The following ERICH6B variants were observed in gnomAD, a reference collection of about 807,000 sequenced individuals.
ERICH6B encodes glutamate-rich protein 6B.
Under a neutral mutation model 80.0 loss-of-function variants are expected in ERICH6B, and 69 were observed. The observed-to-expected ratio is 0.86, with a 90% CI of 0.71 to 1.05. ERICH6B has a LOEUF of 1.05. Ranked by LOEUF, ERICH6B falls within the 50% of genes least tolerant of loss-of-function variation. The pLI is 0.00. For missense variants in ERICH6B, 754 were observed against 796.1 expected, an observed-to-expected ratio of 0.95 and a Z score of 0.64; for synonymous variants, 283 against 291.9, an observed-to-expected ratio of 0.97 and a Z score of 0.31.
At chr13:45,606,086 C>A (rs999782872) in intron 2 of ERICH6B, among the ~76,000 whole-genome samples, 9 of 152,094 alleles carry the variant, frequency 5.9e-5, no homozygotes, top group Admixed American at 1.3e-4. Context: ...GGGATTCCTT[C>A]AAATATTTAA....
intron 2 of ERICH6B, among the ~76,000 whole-genome samples, chr13:45,600,999 TC>T (rs1208988936): frequency 6.6e-6 from 1 of 152,156 alleles, no homozygotes; most frequent in Non-Finnish European, 1.5e-5. Context: ...TTTCTCATCC[TC>T]CCCATGCCCC....
chr13:45,586,417 G>A (rs546464427), intron 5 of ERICH6B, among the ~76,000 whole-genome samples: 3 of 152,098 alleles, frequency 2.0e-5, no homozygotes, highest in South Asian at 4.2e-4. Context: ...AATTAATAAC[G>A]GCAAGAAATG....
At chr13:45,608,857 G>A (rs1030676154) in intron 1 of ERICH6B, among the ~76,000 whole-genome samples, 9 of 152,270 alleles carry the variant, frequency 5.9e-5, no homozygotes, top group Non-Finnish European at 1.0e-4. Flanking sequence ...TCACTGAGAC[G>A]TTGAGGGTGC....
At chr13:45,547,266 A>G (rs1874030769) in intron 13 of ERICH6B, among the ~76,000 whole-genome samples, 1 of 152,262 alleles carries the variant, frequency 6.6e-6, no homozygotes, top group African/African-American at 2.4e-5. Context: ...GAGAGCAAAG[A>G]GAAGAATCTT....
At chr13:45,611,068 G>A (rs1949897077) in intron 1 of ERICH6B, among the ~76,000 whole-genome samples, 1 of 152,008 alleles carries the variant, frequency 6.6e-6, no homozygotes, top group African/African-American at 2.4e-5. Context: ...CATATCATTT[G>A]TTACTCTTCA....
chr13:45,574,342 A>G (rs1267361180), intron 8 of ERICH6B, among the ~76,000 whole-genome samples: 2 of 152,240 alleles, frequency 1.3e-5, no homozygotes, highest in Admixed American at 6.5e-5. Context: ...TTACAAAATC[A>G]TAACACAAAT....
intron 5 of ERICH6B, among the ~76,000 whole-genome samples, chr13:45,584,416 C>T (rs1056031315): frequency 2.0e-4 from 30 of 152,144 alleles, no homozygotes; most frequent in African/African-American, 6.8e-4. Context: ...TCCTATTTGT[C>T]GAGAAAGGCT....
At chr13:45,584,931 G>A (rs1875836745) in intron 5 of ERICH6B, among the ~76,000 whole-genome samples, 2 of 152,120 alleles carry the variant, frequency 1.3e-5, no homozygotes, top group South Asian at 2.1e-4. Flanking sequence ...GTTTTCCTGC[G>A]TCCCTTTCCT....
At chr13:45,549,299 A>G (rs1008445087) in intron 13 of ERICH6B, among the ~76,000 whole-genome samples, 1 of 151,994 alleles carries the variant, frequency 6.6e-6, no homozygotes, top group African/African-American at 2.4e-5. Context: ...AAAAAAAAGT[A>G]TATATAAGTC....
chr13:45,566,800 T>C (rs902292407), intron 9 of ERICH6B, among the ~76,000 whole-genome samples: 1 of 152,216 alleles, frequency 6.6e-6, no homozygotes, highest in African/African-American at 2.4e-5. Context: ...GAGTCCCTAC[T>C]GGGGCACCAC....
At chr13:45,608,177 A>G (rs551315859) in intron 1 of ERICH6B, among the ~76,000 whole-genome samples, 1 of 152,288 alleles carries the variant, frequency 6.6e-6, no homozygotes, top group Non-Finnish European at 1.5e-5. Flanking sequence ...TTAGTAAGTC[A>G]TTGTGGGGAG....
intron 10 of ERICH6B, 80 bp from the exon 11 acceptor site, chr13:45,561,606 G>T: frequency 1.4e-6 from 2 of 1,469,542 alleles, no homozygotes; most frequent in Non-Finnish European, 1.8e-6. Flanking sequence ...CTCTCTCAAG[G>T]TGCCAAAGGG....
At chr13:45,598,590 G>A (rs1196132686) in intron 2 of ERICH6B, among the ~76,000 whole-genome samples, 3 of 152,146 alleles carry the variant, frequency 2.0e-5, no homozygotes, top group African/African-American at 7.2e-5. Flanking sequence ...AGTCCAAGAT[G>A]AGAGGTGTGA....
chr13:45,551,642 T>C (rs1052924791), intron 11 of ERICH6B: 5 of 152,238 alleles, frequency 3.3e-5, no homozygotes, highest in Non-Finnish European at 5.9e-5. Context: ...GGTTTGAATG[T>C]GTCCCCCCAA....
At position 45,597,075 on chromosome 13, in the gene ERICH6B, A is replaced by G; in HGVS notation, c.-58-12T>C. ...GTCACTTTATTATCCTGTATCCAAGAAAGGAATAAAATCCTATTAGCCAGT... is the reference window on the plus strand; with the variant it reads ...GTCACTTTATTATCCTGTATCCAAGGAAGGAATAAAATCCTATTAGCCAGT... On this transcript the variant is annotated splice_polypyrimidine_tract_variant and intron_variant, in intron 2 of 14. Transcript: ENST00000298738. The G allele has an allele frequency of 6.9e-7, 1 of 1,444,870 alleles. No homozygotes were observed. The highest frequency in any genetic ancestry group is 9.2e-7 in the Non-Finnish European group (1 of 1,091,516). The allele number at this position is 1,444,870 out of a possible 1,614,324, so 89.5% of individuals were successfully genotyped here.
chr13:45,570,369 G>A (rs907143983), intron 8 of ERICH6B, among the ~76,000 whole-genome samples: 3 of 152,294 alleles, frequency 2.0e-5, no homozygotes, highest in South Asian at 4.1e-4. Flanking sequence ...AGGCTGAGGC[G>A]GGTGGATCAC....
chr13:45,604,020 G>T (rs1451724081), intron 2 of ERICH6B, among the ~76,000 whole-genome samples: 1 of 152,188 alleles, frequency 6.6e-6, no homozygotes, highest in African/African-American at 2.4e-5. Flanking sequence ...GGTTTCTGGG[G>T]TCTTCTCCCC....
intron 5 of ERICH6B, among the ~76,000 whole-genome samples, chr13:45,585,028 T>C (rs1875840660): frequency 6.6e-6 from 1 of 152,190 alleles, no homozygotes. Context: ...TCTTCAGGCA[T>C]GTGGCCAGCC....
rs550649913 is a variant in ERICH6B, at chr13:45,601,535, C to A, written c.-58-4472G>T. Among the ~76,000 whole-genome samples, 7 of 152,274 alleles carry A rather than the reference C, an allele frequency of 4.6e-5. No homozygotes were observed. The South Asian group carries it at 8.3e-4, about 18-fold the overall frequency. ...TCCATCAAAGGCTTACACTTCAGGGCTCCCTACCTCTCATATTTTTGTAGC... is the reference window on the plus strand; with the variant it reads ...TCCATCAAAGGCTTACACTTCAGGGATCCCTACCTCTCATATTTTTGTAGC... On this transcript the variant is annotated intron_variant, in intron 2 of 14. Transcript: ENST00000298738.
Sources: gnomAD v4.1 joint callset for allele counts (sites outside exome capture counted in the v4.1 genomes callset) on GRCh38, gnomAD v4.1.1 for gene constraint, MANE v1.5 for transcripts, NCBI Gene and HGNC (gene_info 2026-07-23, HGNC 2026-07-21) for gene names.